Variants in TRAPPC10 observed in about 807,000 individuals in gnomAD.
TRAPPC10 encodes trafficking protein particle complex subunit 10.
Under a neutral mutation model 125.5 loss-of-function variants are expected in TRAPPC10, and 23 were observed. The ratio of observed to expected loss-of-function variants is 0.18; its 90% CI spans 0.13 to 0.26. The LOEUF (loss-of-function observed/expected upper bound fraction) is 0.26. TRAPPC10 is among the 10% of genes least tolerant of loss of function. The probability of loss-of-function intolerance (pLI) is 1.00; values close to 1 mark genes in which losing one functional copy is unlikely to be tolerated. For synonymous variants in TRAPPC10, 509 were observed against 518.0 expected, an observed-to-expected ratio of 0.98 and a Z score of 0.24; for missense variants, 1,123 against 1,308.4, an observed-to-expected ratio of 0.86 and a Z score of 2.19.
chr21:44,081,539 C>T (rs534679608), intron 13 of TRAPPC10, among the ~76,000 whole-genome samples: 2 of 152,240 alleles, frequency 1.3e-5, no homozygotes, highest in South Asian at 2.1e-4. Flanking sequence ...GGATTACAGG[C>T]GTGAGCCACC....
At position 44,074,418 on chromosome 21, in the gene TRAPPC10, T is replaced by C. The variant is rs2037118078; in HGVS notation, c.1133T>C (p.Ile378Thr). Residue 378 changes from isoleucine to threonine, a missense_variant, in exon 8 of 23, where the codon ATC (isoleucine) becomes ACC (threonine). Physicochemically the swap from Ile to Thr is moderately conservative, Grantham distance 89. Transcript: ENST00000291574. ...RIEGCCDRAQ[I>T]DSNIAHTVGL... ...GAAGGCTGCTGTGACCGGGCACAGA[T>C]CGACTCAAACATTGCCCACACTGTG... 1 of 1,614,104 alleles carries C rather than the reference T, an allele frequency of 6.2e-7. No individual in the cohort carries two copies. Among genetic ancestry groups the C allele is most frequent in the Non-Finnish European group, 8.5e-7 (1 of 1,180,048 alleles).
intron 2 of TRAPPC10, among the ~76,000 whole-genome samples, chr21:44,035,207 G>A (rs1296440124): frequency 6.6e-6 from 1 of 152,210 alleles, no homozygotes; most frequent in Non-Finnish European, 1.5e-5. Flanking sequence ...TCTTATCAAA[G>A]TGAGCTCTCT....
intron 1 of TRAPPC10, among the ~76,000 whole-genome samples, chr21:44,013,099 ACT>A (rs967515660): frequency 6.6e-6 from 1 of 152,040 alleles, no homozygotes; most frequent in African/African-American, 2.4e-5. Context: ...CCCGCCGCGC[ACT>A]CAAACCATTT....
At chr21:44,047,923 G>A (rs576600224) in intron 3 of TRAPPC10, among the ~76,000 whole-genome samples, 1 of 152,124 alleles carries the variant, frequency 6.6e-6, no homozygotes, top group Non-Finnish European at 1.5e-5. Context: ...TATTTCTATT[G>A]ATTGATTTTT....
rs572837293 is a variant in TRAPPC10, at chr21:44,040,137, A to C, written c.285+2210A>C. On this transcript the variant is annotated intron_variant, in intron 3 of 22. Transcript: ENST00000291574. ...GTTTATTAACGTCTCCTTCAGCTTC[A>C]TCCTTTTCAGGGTTTTTGTAGTTAG... Among the ~76,000 whole-genome samples, 259 of 152,278 alleles carry C rather than the reference A, an allele frequency of 1.7e-3. 2 individuals carry two copies. The highest frequency in any genetic ancestry group is 5.9e-3 in the African/African-American group (247 of 41,556).
chr21:44,052,529 A>C, intron 4 of TRAPPC10, 53 bp downstream of exon 4: 2 of 1,498,778 alleles, frequency 1.3e-6, no homozygotes, highest in Non-Finnish European at 1.8e-6. Flanking sequence ...CATGATACAG[A>C]TTGCTGGCTT....
chr21:44,014,519 C>T (rs2031578189), intron 1 of TRAPPC10, among the ~76,000 whole-genome samples: 1 of 152,074 alleles, frequency 6.6e-6, no homozygotes, highest in Non-Finnish European at 1.5e-5. Context: ...GATTCTCCTT[C>T]CTCGGCCTCC....
Position 44,086,960 on chromosome 21 carries a change from G to C in TRAPPC10, c.2539G>C (p.Glu847Gln). The C allele has an allele frequency of 1.2e-6, 2 of 1,613,872 alleles. No homozygotes were observed. The highest frequency in any genetic ancestry group is 1.7e-6 in the Non-Finnish European group (2 of 1,179,882). ...GGCTGTGGTCTACTCCAACACGAGAGGTGAGGTGCCGCCCACCCAGGCCCA... is the reference window on the plus strand; with the variant it reads ...GGCTGTGGTCTACTCCAACACGAGACGTGAGGTGCCGCCCACCCAGGCCCA... ...SRAVVYSNTR[E>Q]QSSEAALRIQ... is the part of the protein sequence containing the mutation. Residue 847 changes from glutamate (E) to glutamine (Q), a missense_variant and splice_region_variant, in exon 16 of 23, where the codon GAA becomes CAA. Glu to Gln is a conservative substitution (Grantham distance 29). This residue lies in a region of TRAPPC10 where 840 missense variants were observed against 902.0 expected (regional missense o/e 0.93). Transcript: ENST00000291574.
At chr21:44,038,337 A>G (rs530616306) in intron 3 of TRAPPC10, among the ~76,000 whole-genome samples, 2 of 151,970 alleles carry the variant, frequency 1.3e-5, no homozygotes, top group Admixed American at 6.6e-5. Flanking sequence ...GCTTAGTCTA[A>G]GCTGTGTTTG....
At chr21:44,037,645 C>T in intron 2 of TRAPPC10, 147 bp from the exon 3 acceptor site, 1 of 907,436 alleles carries the variant, frequency 1.1e-6, no homozygotes, top group Non-Finnish European at 1.7e-6. Flanking sequence ...TAGAATGTTT[C>T]TGAGCAGAAT....
chr21:44,036,771 TA>T (rs1569154571), intron 2 of TRAPPC10, among the ~76,000 whole-genome samples: 1 of 152,210 alleles, frequency 6.6e-6, no homozygotes, highest in Non-Finnish European at 1.5e-5. Context: ...TTAAAAAAAT[TA>T]AAAATCTAAA....
Position 44,087,564 on chromosome 21 carries a change from G to T in TRAPPC10, c.2540-135G>T. ...GCTCTGTCCTAGGGGCCTTGTTCTT[G>T]GGTTTGCCTGCCAGGTGCGCAGGAG... On this transcript the variant is annotated intron_variant, in intron 16 of 22. Transcript: ENST00000291574. The surrounding 1 kb of genome is among the most constrained non-coding windows in gnomAD (Gnocchi z 4.6). The T allele has an allele frequency of 1.3e-6, 1 of 742,110 alleles. No homozygotes were observed. The highest frequency in any genetic ancestry group is 2.3e-6 in the Non-Finnish European group (1 of 441,266). 46.0% of individuals were successfully genotyped at this position (742,110 alleles called of 1,614,324 possible). A position where few individuals can be genotyped will look rare whatever the true frequency, so the allele number is the denominator to read the frequency against.
intron 1 of TRAPPC10, 62 bp from the exon 2 acceptor site, chr21:44,032,029 G>T: frequency 7.4e-7 from 1 of 1,351,316 alleles, no homozygotes; most frequent in South Asian, 1.2e-5. Flanking sequence ...TTAAGCTCTA[G>T]AGCCATTTTG....
rs2036227814 is a variant in TRAPPC10 at position 44,063,808 on chromosome 21, T to G, written c.1038+23T>G. On this transcript the variant is annotated intron_variant, in intron 7 of 22. Coordinates refer to ENST00000291574, the MANE Select transcript of TRAPPC10 (RefSeq NM_003274.5). The surrounding 1 kb of genome is among the most constrained non-coding windows in gnomAD (Gnocchi z 4.4). ...GAAGTGAGTCGGCTGTTTTCCCAAT[T>G]TACCCGTTTCTTGATTGTTCCAGCA... 1 of 1,603,894 alleles carries G rather than the reference T, an allele frequency of 6.2e-7. No homozygotes were observed. The highest frequency in any genetic ancestry group is 8.5e-7 in the Non-Finnish European group (1 of 1,174,336).
intron 7 of TRAPPC10, among the ~76,000 whole-genome samples, chr21:44,068,019 C>G (rs776868761): frequency 4.0e-5 from 6 of 151,160 alleles, no homozygotes; most frequent in Non-Finnish European, 7.4e-5. Flanking sequence ...ACTCGGGAGG[C>G]TGGGGCGGGA....
At chr21:44,050,877 A>G (rs531092120) in intron 3 of TRAPPC10, among the ~76,000 whole-genome samples, 1 of 152,244 alleles carries the variant, frequency 6.6e-6, no homozygotes, top group Non-Finnish European at 1.5e-5. Flanking sequence ...AGTTAAACCA[A>G]AAGAGAGGCT....
intron 7 of TRAPPC10, among the ~76,000 whole-genome samples, chr21:44,073,779 C>T (rs1350099416): frequency 2.6e-5 from 4 of 152,116 alleles, no homozygotes; most frequent in Admixed American, 6.5e-5. Context: ...GTCTTTATCA[C>T]GCCTGAAGAG....
Position 44,084,161 on chromosome 21 carries a change from G to C in TRAPPC10, c.2278G>C (p.Ala760Pro). 1 of 1,614,216 alleles carries C rather than the reference G, an allele frequency of 6.2e-7. No homozygotes were observed. The highest frequency in any genetic ancestry group is 1.1e-5 in the South Asian group (1 of 91,078). The change falls in exon 15 of 23, where the codon GCC (alanine) becomes CCC (proline). Residue 760 changes from alanine to proline, a missense_variant. By Grantham distance (27) the Ala-to-Pro change is conservative. Transcript: ENST00000291574. ...AACGTATACACTCAGGCAGCTGTGC[G>C]CCTCGGTGGGCTCCGTGTGGTTCGT... ...PGTYTLRQLC[A>P]SVGSVWFVLP...
Position 44,082,435 on chromosome 21 carries a change from T to C in TRAPPC10, c.1724-353T>C, listed in dbSNP as rs561120836. On this transcript the variant is annotated intron_variant, in intron 13 of 22. Coordinates refer to ENST00000291574, the MANE Select transcript of TRAPPC10 (RefSeq NM_003274.5). The surrounding 1 kb of genome is among the most constrained non-coding windows in gnomAD (Gnocchi z 4.4). ...ATGTTTTTAAGTAGGTGAGAAAATA[T>C]TGGAATCCCTTGGAAATAGCTGTAG... Among the ~76,000 whole-genome samples, 10 of 152,350 alleles carry C rather than the reference T, an allele frequency of 6.6e-5. No individual in the cohort carries two copies. Among genetic ancestry groups the C allele is most frequent in the Non-Finnish European group, 1.2e-4 (8 of 68,032 alleles).
Sources: gnomAD v4.1 joint callset for allele counts (sites outside exome capture counted in the v4.1 genomes callset) on GRCh38, gnomAD v4.1.1 for gene constraint, gnomAD v4.1.1 regional missense constraint, Gnocchi (gnomAD v3.1) non-coding constraint, MANE v1.5 for transcripts, NCBI Gene and HGNC (gene_info 2026-07-23, HGNC 2026-07-21) for gene names.